The following CLINT1 variants were observed in gnomAD, a reference collection of about 807,000 sequenced individuals.
The protein encoded by CLINT1 is clathrin interacting protein localized in the trans-Golgi region.
A neutral mutation model predicts 70.4 loss-of-function variants in CLINT1; 15 were observed. That is an observed-to-expected ratio of 0.21 (90% CI 0.14 to 0.33). The LOEUF (loss-of-function observed/expected upper bound fraction) is 0.33. Ranked by LOEUF, CLINT1 falls within the 10% of genes least tolerant of loss-of-function variation. CLINT1 has a pLI of 1.00. For synonymous variants in CLINT1, 227 were observed against 254.7 expected (o/e 0.89, Z 1.04); for missense variants, 615 against 778.1 (o/e 0.79, Z 2.49).
intron 1 of CLINT1, among the ~76,000 whole-genome samples, chr5:157,849,392 T>A (rs1211422177): frequency 6.6e-6 from 1 of 152,242 alleles, no homozygotes; most frequent in African/African-American, 2.4e-5. Flanking sequence ...TGTACTTTTT[T>A]AAACATAATA....
intron 1 of CLINT1, among the ~76,000 whole-genome samples, chr5:157,837,367 C>T (rs546419528): frequency 6.6e-6 from 1 of 151,742 alleles, no homozygotes; most frequent in East Asian, 1.9e-4. Flanking sequence ...AGAGTGAGAC[C>T]CTGTCCAAAG....
chr5:157,853,772 C>A (rs546846041), intron 1 of CLINT1, among the ~76,000 whole-genome samples: 4 of 94,836 alleles, frequency 4.2e-5, no homozygotes, highest in Non-Finnish European at 5.9e-5. Flanking sequence ...AGCGAGACAC[C>A]ATCTCAAAAA....
At position 157,839,830 on chromosome 5, in the gene CLINT1, C is replaced by T. The variant is rs181583965; in HGVS notation, c.41+19100G>A. 2.3e-3 allele frequency among the ~76,000 whole-genome samples: 355 copies of T among 151,944 alleles called. 3 individuals are homozygous for T. Among genetic ancestry groups the T allele is most frequent in the Middle Eastern group, 3.4e-3 (1 of 294 alleles). Reference sequence around the variant, plus strand: ...GCTTTACCACTAAGTGGAACCAAAACCAGGAGTCCTCAGAGAAATGGCTGA... The same window carrying T: ...GCTTTACCACTAAGTGGAACCAAAATCAGGAGTCCTCAGAGAAATGGCTGA... On this transcript the variant is annotated intron_variant, in intron 1 of 11. Coordinates refer to ENST00000411809, the MANE Select transcript of CLINT1 (RefSeq NM_014666.4).
intron 1 of CLINT1, among the ~76,000 whole-genome samples, chr5:157,854,096 CAACT>C (rs1482758381): frequency 8.5e-5 from 13 of 152,094 alleles, no homozygotes; most frequent in African/African-American, 3.1e-4. Context: ...AGAAAGCTGA[CAACT>C]ATCTTACTAT....
chr5:157,829,557 A>G (rs1037632452), intron 1 of CLINT1, among the ~76,000 whole-genome samples: 3 of 151,864 alleles, frequency 2.0e-5, no homozygotes, highest in African/African-American at 7.3e-5. Flanking sequence ...TCTCGTTCCA[A>G]TTGCCCAGGC....
Position 157,806,020 on chromosome 5 carries a change from T to C in CLINT1, c.788A>G (p.His263Arg), listed in dbSNP as rs750020654. The change falls in exon 7 of 12, where the codon CAT becomes CGT. Residue 263 changes from histidine to arginine, a missense_variant. Physicochemically the swap from His to Arg is conservative, Grantham distance 29. Coordinates refer to ENST00000411809, the MANE Select transcript of CLINT1 (RefSeq NM_014666.4). ...EEETVTTKHI[H>R]ITQATETTTT... Reference sequence around the variant, plus strand: ...GGTGGTCTCTGTGGCCTGTGTGATATGAATATGCTTTGTCGTCACAGTCTC... The same window carrying C: ...GGTGGTCTCTGTGGCCTGTGTGATACGAATATGCTTTGTCGTCACAGTCTC... 7 of 1,613,880 alleles carry C rather than the reference T, an allele frequency of 4.3e-6. No individual in the cohort carries two copies. The highest frequency in any genetic ancestry group is 5.9e-6 in the Non-Finnish European group (7 of 1,179,900).
At chr5:157,824,952 T>C (rs891078834) in intron 1 of CLINT1, among the ~76,000 whole-genome samples, 1 of 152,182 alleles carries the variant, frequency 6.6e-6, no homozygotes, top group Non-Finnish European at 1.5e-5. Flanking sequence ...TTCTCAGTCA[T>C]GGAAATTACA....
At chr5:157,850,984 C>G (rs941560571) in intron 1 of CLINT1, among the ~76,000 whole-genome samples, 9 of 151,914 alleles carry the variant, frequency 5.9e-5, no homozygotes, top group African/African-American at 2.2e-4. Flanking sequence ...TTTGTAGAGA[C>G]AAGGTCTGTG....
intron 1 of CLINT1, among the ~76,000 whole-genome samples, chr5:157,834,102 G>A (rs1431126355): frequency 6.6e-6 from 1 of 151,914 alleles, no homozygotes; most frequent in Non-Finnish European, 1.5e-5. Context: ...AGCACTTTGG[G>A]AGGCCAAGGC....
At position 157,787,488 on chromosome 5, in the gene CLINT1, G is replaced by T; in HGVS notation, c.*158C>A. 1.5e-6 allele frequency: 1 copy of T among 676,558 alleles called. No individual in the cohort carries two copies. The highest frequency in any genetic ancestry group is 2.5e-6 in the Non-Finnish European group (1 of 403,224). 41.9% of individuals were successfully genotyped at this position (676,558 alleles called of 1,614,324 possible). On this transcript the variant is annotated 3_prime_UTR_variant, in exon 12 of 12. Transcript: ENST00000411809. ...TCTTGCCTGGCCCTCTGAAATACTG[G>T]ATATTTCACTTTTATAAAACAGCCT...
At chr5:157,850,755 A>G (rs1753544701) in intron 1 of CLINT1, among the ~76,000 whole-genome samples, 2 of 152,008 alleles carry the variant, frequency 1.3e-5, no homozygotes, top group South Asian at 4.1e-4. Context: ...TAATAGAAAA[A>G]GGCTCAGTAT....
chr5:157,825,097 G>C (rs1363212815), intron 1 of CLINT1, among the ~76,000 whole-genome samples: 1 of 152,062 alleles, frequency 6.6e-6, no homozygotes, highest in Non-Finnish European at 1.5e-5. Flanking sequence ...TGAAATCAGA[G>C]ACATCTAAAA....
chr5:157,801,979 C>A (rs1477745231), intron 8 of CLINT1, among the ~76,000 whole-genome samples: 2 of 151,804 alleles, frequency 1.3e-5, no homozygotes, highest in Non-Finnish European at 2.9e-5. Context: ...ATTGCAAACT[C>A]CACCTCCTGG....
At chr5:157,831,107 T>C (rs949491591) in intron 1 of CLINT1, among the ~76,000 whole-genome samples, 4 of 151,974 alleles carry the variant, frequency 2.6e-5, no homozygotes, top group Admixed American at 2.0e-4. Flanking sequence ...TTCTCACTTG[T>C]TTTTAGCTTT....
chr5:157,835,123 C>T (rs925007137), intron 1 of CLINT1, among the ~76,000 whole-genome samples: 2 of 152,150 alleles, frequency 1.3e-5, no homozygotes, highest in Non-Finnish European at 2.9e-5. Context: ...TTTGGTGCAA[C>T]GTATTTCACA....
Position 157,786,778 on chromosome 5 carries a change from T to A in CLINT1, c.*868A>T, listed in dbSNP as rs1008488130. 1 of 152,026 alleles carries A rather than the reference T, an allele frequency of 6.6e-6. No individual in the cohort carries two copies. Among genetic ancestry groups the A allele is most frequent in the African/African-American group, 2.4e-5 (1 of 41,332 alleles). The allele number at this position is 152,026 out of a possible 1,614,324, so 9.4% of individuals were successfully genotyped here. A position where few individuals can be genotyped will look rare whatever the true frequency, so the allele number is the denominator to read the frequency against. On this transcript the variant is annotated 3_prime_UTR_variant, in exon 12 of 12. Transcript: ENST00000411809. The stretch of plus-strand genomic sequence containing the variant: ...CCTTTGCAGACACCCAAAAAAAAAA[T>A]AAAATAAATATTTTTCTGACTGTTC...
chr5:157,838,983 C>G (rs1232627905), intron 1 of CLINT1, among the ~76,000 whole-genome samples: 1 of 152,054 alleles, frequency 6.6e-6, no homozygotes, highest in East Asian at 1.9e-4. Context: ...GCCTATAATC[C>G]CAGCACTTTG....
At chr5:157,858,111 T>C (rs779802077) in intron 1 of CLINT1, among the ~76,000 whole-genome samples, 4 of 152,232 alleles carry the variant, frequency 2.6e-5, no homozygotes, top group African/African-American at 7.2e-5. Flanking sequence ...TATTTCAGTC[T>C]TAAAGGAAAT....
chr5:157,815,905 C>A (rs1459564174), intron 3 of CLINT1, among the ~76,000 whole-genome samples: 1 of 152,098 alleles, frequency 6.6e-6, no homozygotes, highest in African/African-American at 2.4e-5. Flanking sequence ...TCCAATGGGA[C>A]CACTGACATA....
Sources: allele counts gnomAD v4.1 joint callset (sites outside exome capture counted in the v4.1 genomes callset), GRCh38; gene constraint gnomAD v4.1.1; transcripts MANE v1.5; gene names NCBI Gene and HGNC (gene_info 2026-07-23, HGNC 2026-07-21).